The following KCNQ3 variants were observed in gnomAD, a reference collection of about 807,000 sequenced individuals.
The protein encoded by KCNQ3 is potassium voltage-gated channel subfamily KQT member 3.
Under a neutral mutation model 92.5 loss-of-function variants are expected in KCNQ3, and 30 were observed. That is an observed-to-expected ratio of 0.32 (90% CI 0.24 to 0.44). KCNQ3 has a LOEUF of 0.44. KCNQ3 is among the 20% of genes least tolerant of loss of function. KCNQ3 has a pLI of 1.00. For missense variants in KCNQ3, 913 were observed against 1,140.3 expected (o/e 0.80, Z 2.87); for synonymous variants, 450 against 468.8 (o/e 0.96, Z 0.52).
chr8:132,285,276 A>T (rs1462567810), intron 1 of KCNQ3, among the ~76,000 whole-genome samples: 1 of 152,224 alleles, frequency 6.6e-6, no homozygotes, highest in Non-Finnish European at 1.5e-5. Flanking sequence ...AAGGTTACAG[A>T]AAGTCTGGAT....
intron 1 of KCNQ3, among the ~76,000 whole-genome samples, chr8:132,412,979 C>T (rs1183855631): frequency 6.6e-6 from 1 of 152,236 alleles, no homozygotes; most frequent in Non-Finnish European, 1.5e-5. Context: ...CTCCTCTCTC[C>T]ACTGACACCT....
rs141817695 is a variant in KCNQ3, at chr8:132,317,889, A to G, written c.387-131708T>C. 6.6e-5 allele frequency among the ~76,000 whole-genome samples: 10 copies of G among 152,294 alleles called. No individual in the cohort carries two copies. In the East Asian group the frequency reaches 1.9e-3, roughly 29 times the overall value. On this transcript the variant is annotated intron_variant, in intron 1 of 14. Coordinates refer to ENST00000388996, the MANE Select transcript of KCNQ3 (RefSeq NM_004519.4). Reference sequence around the variant, plus strand: ...TGGGGGAACTTTATATTAAATGGAGACGGGCCTGAGGTTGCACAGCTATTC... The same window carrying G: ...TGGGGGAACTTTATATTAAATGGAGGCGGGCCTGAGGTTGCACAGCTATTC...
intron 4 of KCNQ3, among the ~76,000 whole-genome samples, chr8:132,177,208 T>C (rs1422489535): frequency 6.6e-6 from 1 of 152,248 alleles, no homozygotes; most frequent in Non-Finnish European, 1.5e-5. Context: ...TGTTCTGGAT[T>C]AATAAGAGAT....
At chr8:132,221,231 G>A (rs1475076913) in intron 1 of KCNQ3, among the ~76,000 whole-genome samples, 1 of 152,178 alleles carries the variant, frequency 6.6e-6, no homozygotes, top group African/African-American at 2.4e-5. Context: ...GGACATATAG[G>A]TTGGTTCCAA....
At chr8:132,220,337 T>A (rs900724073) in intron 1 of KCNQ3, among the ~76,000 whole-genome samples, 1 of 152,234 alleles carries the variant, frequency 6.6e-6, no homozygotes, top group African/African-American at 2.4e-5. Flanking sequence ...GAATACTCTT[T>A]AAGGCATCAT....
At chr8:132,290,829 TG>T (rs1353358213) in intron 1 of KCNQ3, among the ~76,000 whole-genome samples, 1 of 152,094 alleles carries the variant, frequency 6.6e-6, no homozygotes, top group African/African-American at 2.4e-5. Flanking sequence ...CACACTACTG[TG>T]AGAAATCAGT....
At chr8:132,154,759 G>A (rs537119112) in intron 9 of KCNQ3, among the ~76,000 whole-genome samples, 1 of 152,252 alleles carries the variant, frequency 6.6e-6, no homozygotes, top group Non-Finnish European at 1.5e-5. Context: ...TCACTTTGCT[G>A]TGTTGTTTTT....
At position 132,465,934 on chromosome 8, in the gene KCNQ3, TA is replaced by T. The variant is rs1822162962; in HGVS notation, c.386+14212del. Among the ~76,000 whole-genome samples, 4 of 151,120 alleles carry T rather than the reference TA, an allele frequency of 2.6e-5. No individual in the cohort carries two copies. In the South Asian group the frequency reaches 8.7e-4, roughly 33 times the overall value. ...CTAAAAAATAAATAAATACATGAAA[TA>T]AAACAAACGACAGGAATAAATAAAA... On this transcript the variant is annotated intron_variant, in intron 1 of 14. Coordinates refer to ENST00000388996, the MANE Select transcript of KCNQ3 (RefSeq NM_004519.4).
chr8:132,209,536 CACACACAA>C (rs1195572675), intron 1 of KCNQ3, among the ~76,000 whole-genome samples: 250 of 145,794 alleles, frequency 1.7e-3, no homozygotes, highest in African/African-American at 3.6e-3. Flanking sequence ...ACACCACACA[CACACACAA>C]ACACACACAC....
At chr8:132,432,479 T>C (rs940480288) in intron 1 of KCNQ3, among the ~76,000 whole-genome samples, 2 of 152,176 alleles carry the variant, frequency 1.3e-5, no homozygotes, top group Non-Finnish European at 2.9e-5. Flanking sequence ...ACACTCTGGG[T>C]TGAAGGACAT....
chr8:132,287,204 C>T (rs1335317044), intron 1 of KCNQ3, among the ~76,000 whole-genome samples: 1 of 152,160 alleles, frequency 6.6e-6, no homozygotes, highest in Non-Finnish European at 1.5e-5. Flanking sequence ...TTTTACATTG[C>T]CGTGTAGCAG....
At chr8:132,428,129 C>T (rs1316360686) in intron 1 of KCNQ3, among the ~76,000 whole-genome samples, 1 of 152,114 alleles carries the variant, frequency 6.6e-6, no homozygotes, top group Non-Finnish European at 1.5e-5. Flanking sequence ...GGTCTCTGCA[C>T]CTCTGCTCTC....
chr8:132,358,313 T>C (rs1819069811), intron 1 of KCNQ3, among the ~76,000 whole-genome samples: 1 of 152,186 alleles, frequency 6.6e-6, no homozygotes, highest in Non-Finnish European at 1.5e-5. Context: ...CTAAAGAACA[T>C]ATTCTGAGGC....
At chr8:132,372,060 C>A (rs1349954556) in intron 1 of KCNQ3, among the ~76,000 whole-genome samples, 2 of 152,216 alleles carry the variant, frequency 1.3e-5, no homozygotes, top group South Asian at 4.1e-4. Context: ...TTACCCATCA[C>A]TGCCAGCTCC....
At chr8:132,226,157 G>T (rs1357384816) in intron 1 of KCNQ3, among the ~76,000 whole-genome samples, 1 of 152,062 alleles carries the variant, frequency 6.6e-6, no homozygotes, top group African/African-American at 2.4e-5. Flanking sequence ...TGTAGTCTCA[G>T]CTACTTGAGA....
chr8:132,274,563 C>T (rs1194518496), intron 1 of KCNQ3, among the ~76,000 whole-genome samples: 2 of 152,132 alleles, frequency 1.3e-5, no homozygotes, highest in African/African-American at 4.8e-5. Flanking sequence ...ATAGTGCTCC[C>T]CTCCTTGAGC....
intron 1 of KCNQ3, among the ~76,000 whole-genome samples, chr8:132,204,698 C>T (rs1282234499): frequency 6.6e-6 from 1 of 152,160 alleles, no homozygotes; most frequent in Non-Finnish European, 1.5e-5. Context: ...ACTTCTGAAT[C>T]ACATTTCTAA....
chr8:132,131,239 C>A (rs533825282), intron 14 of KCNQ3, among the ~76,000 whole-genome samples: 1 of 152,300 alleles, frequency 6.6e-6, no homozygotes, highest in Non-Finnish European at 1.5e-5. Context: ...CTCTCCTGCA[C>A]GGGTCCCATT....
chr8:132,452,497 G>A (rs1043255266), intron 1 of KCNQ3, among the ~76,000 whole-genome samples: 2 of 152,162 alleles, frequency 1.3e-5, no homozygotes, highest in African/African-American at 4.8e-5. Context: ...TTCTGGCAAA[G>A]ATGAGACACT....
Sources: allele counts gnomAD v4.1 joint callset (sites outside exome capture counted in the v4.1 genomes callset), GRCh38; gene constraint gnomAD v4.1.1; transcripts MANE v1.5; gene names NCBI Gene and HGNC (gene_info 2026-07-23, HGNC 2026-07-21).